Variants in ARHGEF17 observed in about 807,000 individuals in gnomAD.
The protein encoded by ARHGEF17 is 164 kDa Rho-specific guanine-nucleotide exchange factor.
ARHGEF17 carries 80 observed loss-of-function variants against 174.0 expected under a neutral mutation model. The ratio of observed to expected loss-of-function variants is 0.46; its 90% CI spans 0.38 to 0.55. The LOEUF (loss-of-function observed/expected upper bound fraction) is 0.55. Ranked by LOEUF, ARHGEF17 falls within the 20% of genes least tolerant of loss-of-function variation. ARHGEF17 has a pLI of 0.00. For synonymous variants in ARHGEF17, 1,311 were observed against 1,189.1 expected (o/e 1.10, Z -2.11); for missense variants, 2,886 against 2,839.7 (o/e 1.02, Z -0.37).
Position 73,311,231 on chromosome 11 carries a change from A to G in ARHGEF17, c.2593A>G (p.Ile865Val), listed in dbSNP as rs774545723. ...GCTGCCTCCATCCAGCAGCGAGCCC[A>G]TCCTTGTAGAGCAGCGGGCAGAGCC... Reference protein sequence around the residue: ...PMLPPSSSEPILVEQRAEPEE... With the variant: ...PMLPPSSSEPVLVEQRAEPEE... Residue 865 changes from isoleucine (I) to valine (V), a missense_variant, in exon 1 of 21, where the codon ATC becomes GTC. Physicochemically the swap from Ile to Val is conservative, Grantham distance 29. Around this residue, in one of 4 missense-constraint regions of ARHGEF17, gnomAD observed 1,728 missense variants for 1,461.2 expected, o/e 1.18. Transcript: ENST00000263674. The G allele has an allele frequency of 1.2e-6, 2 of 1,608,210 alleles. No individual in the cohort carries two copies. Among genetic ancestry groups the G allele is most frequent in the Non-Finnish European group, 1.7e-6 (2 of 1,176,182 alleles).
In ARHGEF17 at chr11:73,359,908, G is replaced by C. The variant is rs768947234; in HGVS notation, c.4162G>C (p.Gly1388Arg). Residue 1388 changes from glycine (G) to arginine (R), a missense_variant, in exon 10 of 21, where the codon GGC (glycine) becomes CGC (arginine). Around this residue, in one of 4 missense-constraint regions of ARHGEF17, gnomAD observed 353 missense variants for 470.3 expected, o/e 0.75. Transcript: ENST00000263674. ...SRLDEDLTTL[G>R]QMSKLSESLG... ...CCTTGATGAGGACCTCACCACCCTG[G>C]GCCAAATGAGCAAGCTCTCTGAGAG... The C allele has an allele frequency of 1.9e-6, 3 of 1,613,240 alleles. No homozygotes were observed. Among genetic ancestry groups the C allele is most frequent in the Middle Eastern group, 1.7e-4 (1 of 6,058 alleles).
chr11:73,315,499 G>C (rs1294639064), intron 1 of ARHGEF17, among the ~76,000 whole-genome samples: 2 of 152,206 alleles, frequency 1.3e-5, no homozygotes, highest in African/African-American at 4.8e-5. Flanking sequence ...GGAACCTGCG[G>C]GGGTGGAGGT....
In ARHGEF17 at chr11:73,365,664, G is replaced by A. The variant is rs182758129; in HGVS notation, c.5726-14G>A. On this transcript the variant is annotated splice_polypyrimidine_tract_variant and intron_variant, in intron 19 of 20. Transcript: ENST00000263674. This position sits in a 1 kb window ranked among gnomAD's most constrained non-coding sequence, Gnocchi z 4.9. ...CAGAATTCAGCCCCAGCTGTGGTCT[G>A]TCTCCCACCCCAGGCTCGGATGCCA... The A allele has an allele frequency of 1.9e-6, 3 of 1,610,712 alleles. No homozygotes were observed. The highest frequency in any genetic ancestry group is 1.3e-5 in the African/African-American group (1 of 75,024).
chr11:73,355,975 C>T, intron 5 of ARHGEF17, 22 bp downstream of exon 5: 1 of 1,613,600 alleles, frequency 6.2e-7, no homozygotes, highest in Non-Finnish European at 8.5e-7. Flanking sequence ...CCTGGGTGGG[C>T]AAGTGGGCAA....
rs780647680 is a variant in ARHGEF17 at position 73,351,534 on chromosome 11, T to G, written c.3271-1296T>G. Among the ~76,000 whole-genome samples the G allele has an allele frequency of 8.5e-4, 129 of 152,176 alleles. 2 individuals are homozygous for G. The highest frequency in any genetic ancestry group is 2.4e-4 in the Non-Finnish European group (16 of 68,034). On this transcript the variant is annotated intron_variant, in intron 2 of 20. Transcript: ENST00000263674. The stretch of plus-strand genomic sequence containing the variant: ...AGAAAGTGTCAATAAGAGTCTCCAG[T>G]AACTTCCCATGTGGTCTCATGATCT...
intron 1 of ARHGEF17, among the ~76,000 whole-genome samples, chr11:73,323,463 C>A (rs1333409221): frequency 6.6e-6 from 1 of 152,240 alleles, no homozygotes; most frequent in Non-Finnish European, 1.5e-5. Context: ...TATTTGTACC[C>A]TAGATCCTGA....
chr11:73,356,341 G>C lies in ARHGEF17; in HGVS notation c.3830G>C (p.Gly1277Ala), dbSNP rs764606422. ...VLQEIEAHIEGMEDLQAPLRR... is the reference protein window; with the variant it reads ...VLQEIEAHIEAMEDLQAPLRR... ...CAGGAGATAGAGGCTCACATCGAGG[G>C]CATGGAGGATGTGCGTGCGCCCTGC... is the stretch of plus-strand genomic sequence containing the variant. Residue 1277 changes from glycine to alanine, a missense_variant, in exon 6 of 21, where the codon GGC becomes GCC. Physicochemically the swap from Gly to Ala is moderately conservative, Grantham distance 60. Coordinates refer to ENST00000263674, the MANE Select transcript of ARHGEF17 (RefSeq NM_014786.4). The C allele has an allele frequency of 4.3e-6, 7 of 1,610,436 alleles. No individual in the cohort carries two copies. Among genetic ancestry groups the C allele is most frequent in the Admixed American group, 1.7e-5 (1 of 59,980 alleles).
Position 73,363,188 on chromosome 11 carries a change from G to C in ARHGEF17, c.4997-18G>C. The C allele has an allele frequency of 6.6e-7, 1 of 1,520,724 alleles. No individual in the cohort carries two copies. Among genetic ancestry groups the C allele is most frequent in the South Asian group, 1.3e-5 (1 of 78,426 alleles). 94.2% of individuals were successfully genotyped at this position (1,520,724 alleles called of 1,614,324 possible). A position where few individuals can be genotyped will look rare whatever the true frequency, so the allele number is the denominator to read the frequency against. The stretch of plus-strand genomic sequence containing the variant: ...CCTGGCAGAGGGAAATGGAGACAGA[G>C]ACCTTTGTCTCCCTCAGATGAGGAG... On this transcript the variant is annotated intron_variant, in intron 14 of 20. Coordinates refer to ENST00000263674, the MANE Select transcript of ARHGEF17 (RefSeq NM_014786.4).
intron 1 of ARHGEF17, among the ~76,000 whole-genome samples, chr11:73,322,765 C>G (rs2135791164): frequency 6.6e-6 from 1 of 152,156 alleles, no homozygotes; most frequent in South Asian, 2.1e-4. Flanking sequence ...GCCAGCTCCC[C>G]TCTCCCTTTC....
intron 20 of ARHGEF17, among the ~76,000 whole-genome samples, chr11:73,366,863 A>C (rs1024420206): frequency 5.3e-5 from 8 of 152,124 alleles, no homozygotes; most frequent in African/African-American, 1.7e-4. Context: ...AACATGGTGA[A>C]AACCCATCTC....
chr11:73,319,297 C>T (rs1307549895), intron 1 of ARHGEF17, among the ~76,000 whole-genome samples: 4 of 152,154 alleles, frequency 2.6e-5, no homozygotes, highest in South Asian at 2.1e-4. Flanking sequence ...TTCTTGACCT[C>T]GTGATCCGCC....
At position 73,308,287 on chromosome 11, in the gene ARHGEF17, A is replaced by C; in HGVS notation, c.-352A>C. On this transcript the variant is annotated 5_prime_UTR_variant, in exon 1 of 21. Transcript: ENST00000263674. ...AGTTTATTTGCAACAAAAGGGTGCC[A>C]GGAGCGAGCAGCCAAGGGCGTTGGG... 3 of 231,584 alleles carry C rather than the reference A, an allele frequency of 1.3e-5. No homozygotes were observed. The highest frequency in any genetic ancestry group is 8.3e-5 in the East Asian group (1 of 12,084). The allele number at this position is 231,584 out of a possible 1,614,324, so 14.3% of individuals were successfully genotyped here.
intron 6 of ARHGEF17, 150 bp downstream of exon 6, chr11:73,356,501 T>G: frequency 8.6e-7 from 1 of 1,163,040 alleles, no homozygotes; most frequent in East Asian, 2.6e-5. Flanking sequence ...CCAGCCTCTG[T>G]GGCCACACGT....
In ARHGEF17 at chr11:73,308,414, T is replaced by G. The variant is rs1864726148; in HGVS notation, c.-225T>G. 2 of 404,048 alleles carry G rather than the reference T, an allele frequency of 4.9e-6. No homozygotes were observed. Among genetic ancestry groups the G allele is most frequent in the Non-Finnish European group, 8.6e-6 (2 of 231,662 alleles). 25.0% of individuals were successfully genotyped at this position (404,048 alleles called of 1,614,324 possible). A position where few individuals can be genotyped will look rare whatever the true frequency, so the allele number is the denominator to read the frequency against. ...CCGCGGCGGGGGCTGGGCCTGGGGG[T>G]CGGCGCTGAGGCGGGAGGGGCCGCC... On this transcript the variant is annotated 5_prime_UTR_variant, in exon 1 of 21. Transcript: ENST00000263674.
At chr11:73,334,237 A>G (rs7937210) in intron 1 of ARHGEF17, among the ~76,000 whole-genome samples, 9,677 of 152,310 alleles carry the variant, frequency 0.064, 991 homozygotes, top group African/African-American at 0.21. Context: ...GCCCTGGTCT[A>G]TAGCAGGGAT....
rs762462871 is a variant in ARHGEF17, at chr11:73,326,585, T to A, written c.3192+14755T>A. ...AAATACAAAAATTAGCTGGGCCTGGTGGCATACGCCTGTAATTCCAGCTAC... is the reference window on the plus strand; with the variant it reads ...AAATACAAAAATTAGCTGGGCCTGGAGGCATACGCCTGTAATTCCAGCTAC... On this transcript the variant is annotated intron_variant, in intron 1 of 20. Coordinates refer to ENST00000263674, the MANE Select transcript of ARHGEF17 (RefSeq NM_014786.4). Among the ~76,000 whole-genome samples the A allele has an allele frequency of 3.9e-5, 6 of 152,258 alleles. No homozygotes were observed. The South Asian group carries it at 1.2e-3, about 32-fold the overall frequency.
chr11:73,329,355 A>ATTTTTTTTTTTTTTTTTTTTTTTTTTTT lies in ARHGEF17; in HGVS notation c.3192+17526_3193-17526insTTTTTTTTTTTTTTTTTTTTTTTTTTTT. On this transcript the variant is annotated intron_variant, in intron 1 of 20. Coordinates refer to ENST00000263674, the MANE Select transcript of ARHGEF17 (RefSeq NM_014786.4). ...TATATATATATATATATATATATAT[A>ATTTTTTTTTTTTTTTTTTTTTTTTTTTT]TATATATATATATATATATTTTTTT... 1.7e-4 allele frequency among the ~76,000 whole-genome samples: 2 copies of ATTTTTTTTTTTTTTTTTTTTTTTTTTTT among 11,454 alleles called. 1 individual carries two copies. The highest frequency in any genetic ancestry group is 8.9e-4 in the African/African-American group (2 of 2,240). The allele number at this position is 11,454 out of a possible 152,430, so 7.5% of individuals were successfully genotyped here. A position where few individuals can be genotyped will look rare whatever the true frequency, so the allele number is the denominator to read the frequency against.
intron 15 of ARHGEF17, 101 bp from the exon 16 acceptor site, chr11:73,363,646 C>A: frequency 6.6e-7 from 1 of 1,519,208 alleles, no homozygotes; most frequent in African/African-American, 1.4e-5. Context: ...GGCAGGCACC[C>A]AGCATTGAAG....
Position 73,356,205 on chromosome 11 carries a change from C to G in ARHGEF17, c.3694C>G (p.Pro1232Ala), listed in dbSNP as rs1486139132. The change falls in exon 6 of 21, where the codon CCG becomes GCG. Residue 1232 changes from proline (P) to alanine (A), a missense_variant. Coordinates refer to ENST00000263674, the MANE Select transcript of ARHGEF17 (RefSeq NM_014786.4). The stretch of plus-strand genomic sequence containing the variant: ...CCTGAAGCATACACCTGAGGACCAC[C>G]CGGACCATCCACTCCTGCTGGAGGC... ...DLLKHTPEDH[P>A]DHPLLLEAQR... 1.2e-6 allele frequency: 2 copies of G among 1,613,926 alleles called. No individual in the cohort carries two copies. Among genetic ancestry groups the G allele is most frequent in the East Asian group, 4.5e-5 (2 of 44,884 alleles).
Sources: gnomAD v4.1 joint callset for allele counts (sites outside exome capture counted in the v4.1 genomes callset) on GRCh38, gnomAD v4.1.1 for gene constraint, gnomAD v4.1.1 regional missense constraint, Gnocchi (gnomAD v3.1) non-coding constraint, MANE v1.5 for transcripts, NCBI Gene and HGNC (gene_info 2026-07-23, HGNC 2026-07-21) for gene names.